Variants in AGBL4 observed in about 807,000 individuals in gnomAD.
The protein encoded by AGBL4 is AGBL carboxypeptidase 4, also known as cytosolic carboxypeptidase 6.
In AGBL4, 58 loss-of-function variants were observed where a neutral mutation model predicts 66.4. The ratio of observed to expected loss-of-function variants is 0.87; its 90% CI spans 0.71 to 1.09. AGBL4 has a LOEUF of 1.09. AGBL4 is among the 50% of genes least tolerant of loss of function. AGBL4 has a pLI of 0.00. For missense variants in AGBL4, 579 were observed against 631.0 expected (o/e 0.92, Z 0.88); for synonymous variants, 234 against 222.9 (o/e 1.05, Z -0.44).
chr1:49,081,607 C>T (rs1644810009), intron 4 of AGBL4, among the ~76,000 whole-genome samples: 1 of 152,196 alleles, frequency 6.6e-6, no homozygotes, highest in Admixed American at 6.5e-5. Context: ...CACTCCAGAG[C>T]CTGAAAGTAG....
intron 1 of AGBL4, among the ~76,000 whole-genome samples, chr1:49,884,631 C>T (rs1647816837): frequency 6.6e-6 from 1 of 151,140 alleles, no homozygotes; most frequent in African/African-American, 2.4e-5. Flanking sequence ...AACATAGAGA[C>T]AGAATAACAC....
intron 6 of AGBL4, among the ~76,000 whole-genome samples, chr1:48,783,995 T>C (rs1458302507): frequency 6.6e-6 from 1 of 152,158 alleles, no homozygotes; most frequent in Non-Finnish European, 1.5e-5. Flanking sequence ...AAAAATGACA[T>C]GCCAATGTAA....
intron 6 of AGBL4, among the ~76,000 whole-genome samples, chr1:48,754,323 C>A (rs970027267): frequency 2.0e-5 from 3 of 152,170 alleles, no homozygotes; most frequent in Admixed American, 6.5e-5. Context: ...TGCCAACACC[C>A]GGTTTAAACA....
At chr1:49,985,344 G>A (rs1330156276) in intron 1 of AGBL4, among the ~76,000 whole-genome samples, 1 of 152,190 alleles carries the variant, frequency 6.6e-6, no homozygotes, top group East Asian at 1.9e-4. Flanking sequence ...AGTGGCAAAT[G>A]CTAGAGAGAG....
intron 4 of AGBL4, among the ~76,000 whole-genome samples, chr1:49,091,673 A>G (rs1477267429): frequency 6.6e-6 from 1 of 152,128 alleles, no homozygotes; most frequent in Non-Finnish European, 1.5e-5. Context: ...GAAATCCCAT[A>G]ATTGGGTATA....
chr1:48,854,572 G>T (rs1286707462), intron 6 of AGBL4, among the ~76,000 whole-genome samples: 1 of 152,152 alleles, frequency 6.6e-6, no homozygotes, highest in Non-Finnish European at 1.5e-5. Flanking sequence ...CACAGAGATA[G>T]TCACTGCAAA....
At chr1:48,656,501 C>T (rs1046966677) in intron 7 of AGBL4, among the ~76,000 whole-genome samples, 10 of 152,170 alleles carry the variant, frequency 6.6e-5, no homozygotes, top group Admixed American at 6.5e-4. Flanking sequence ...AGCAAGTCCC[C>T]ACTGGTTGGC....
chr1:49,007,651 GA>G (rs1200476810), intron 5 of AGBL4, among the ~76,000 whole-genome samples: 1 of 151,940 alleles, frequency 6.6e-6, no homozygotes. Flanking sequence ...CCCTCAAAGG[GA>G]AGCCCATCAG....
At chr1:49,265,737 T>C (rs1323871927) in intron 3 of AGBL4, among the ~76,000 whole-genome samples, 1 of 152,202 alleles carries the variant, frequency 6.6e-6, no homozygotes, top group East Asian at 1.9e-4. Flanking sequence ...CATATATACG[T>C]ACATGAACCT....
intron 3 of AGBL4, among the ~76,000 whole-genome samples, chr1:49,249,262 G>T (rs190194389): frequency 1.2e-4 from 18 of 152,186 alleles, no homozygotes; most frequent in Admixed American, 2.0e-4. Context: ...GCACAGCAAT[G>T]AAAACCACTA....
At chr1:48,673,207 C>G (rs1360000435) in intron 6 of AGBL4, among the ~76,000 whole-genome samples, 1 of 152,186 alleles carries the variant, frequency 6.6e-6, no homozygotes, top group African/African-American at 2.4e-5. Context: ...AGGTTTTGTA[C>G]AAAGTTATTA....
intron 3 of AGBL4, among the ~76,000 whole-genome samples, chr1:49,486,779 A>G (rs1200192094): frequency 6.6e-6 from 1 of 152,024 alleles, no homozygotes; most frequent in African/African-American, 2.4e-5. Context: ...AAAAATTTAC[A>G]TTCCTCTTAC....
chr1:49,659,111 G>C (rs1646216780), intron 3 of AGBL4, among the ~76,000 whole-genome samples: 1 of 152,000 alleles, frequency 6.6e-6, no homozygotes, highest in Non-Finnish European at 1.5e-5. Context: ...ATAAGCAAAT[G>C]CTGAGGGAAT....
intron 3 of AGBL4, among the ~76,000 whole-genome samples, chr1:49,324,193 T>C (rs1645182746): frequency 6.6e-6 from 1 of 152,186 alleles, no homozygotes; most frequent in Non-Finnish European, 1.5e-5. Context: ...CAAAACTAAT[T>C]TCTATCTAAC....
At chr1:49,519,014 T>C (rs746467861) in intron 3 of AGBL4, among the ~76,000 whole-genome samples, 4 of 152,110 alleles carry the variant, frequency 2.6e-5, no homozygotes, top group Non-Finnish European at 4.4e-5. Flanking sequence ...TTATTTGCTC[T>C]ACTAAAAATA....
At chr1:48,787,370 C>G (rs1645434281) in intron 6 of AGBL4, among the ~76,000 whole-genome samples, 1 of 152,158 alleles carries the variant, frequency 6.6e-6, no homozygotes, top group South Asian at 2.1e-4. Flanking sequence ...TCCCAACAAG[C>G]ACCCTGGAGT....
At chr1:48,976,413 G>A (rs1206806786) in intron 5 of AGBL4, among the ~76,000 whole-genome samples, 1 of 152,114 alleles carries the variant, frequency 6.6e-6, no homozygotes, top group Non-Finnish European at 1.5e-5. Context: ...GTCACTTGGT[G>A]GCAGAATGAT....
intron 5 of AGBL4, among the ~76,000 whole-genome samples, chr1:49,001,373 CTGTT>C (rs1232221479): frequency 6.6e-6 from 1 of 152,172 alleles, no homozygotes; most frequent in Admixed American, 6.5e-5. Context: ...TTCTTAACTT[CTGTT>C]TGTTGGTATT....
At chr1:49,831,429 G>A (rs1215152180) in intron 2 of AGBL4, among the ~76,000 whole-genome samples, 1 of 152,062 alleles carries the variant, frequency 6.6e-6, no homozygotes, top group Non-Finnish European at 1.5e-5. Context: ...TGGTGTATAG[G>A]AACACTTGTG....
Sources: gnomAD v4.1 joint callset for allele counts (sites outside exome capture counted in the v4.1 genomes callset) on GRCh38, gnomAD v4.1.1 for gene constraint, MANE v1.5 for transcripts, NCBI Gene and HGNC (gene_info 2026-07-23, HGNC 2026-07-21) for gene names.